Variants in TRPC6 observed in about 807,000 individuals in gnomAD.
TRPC6 encodes short transient receptor potential channel 6.
TRPC6 carries 55 observed loss-of-function variants against 90.7 expected under a neutral mutation model. That is an observed-to-expected ratio of 0.61 (90% confidence interval 0.49 to 0.76). TRPC6 has a LOEUF of 0.76. Among genes scored for constraint, TRPC6 ranks in the 30% least tolerant of loss-of-function variants. The probability of loss-of-function intolerance (pLI) is 0.00; values close to 1 mark genes in which losing one functional copy is unlikely to be tolerated. For missense variants in TRPC6, 989 were observed against 1,122.7 expected (o/e 0.88, Z 1.70); for synonymous variants, 393 against 393.0 (o/e 1.00, Z 0.00).
intron 1 of TRPC6, among the ~76,000 whole-genome samples, chr11:101,574,871 T>A (rs1375550852): frequency 1.3e-5 from 2 of 152,192 alleles, no homozygotes; most frequent in African/African-American, 4.8e-5. Context: ...TTATTAGCGA[T>A]TCCCATGAAA....
Position 101,453,705 on chromosome 11 carries a change from A to G in TRPC6, c.2589T>C (p.Ile863=), listed in dbSNP as rs2136636650. The G allele has an allele frequency of 6.2e-7, 1 of 1,613,730 alleles. No individual in the cohort carries two copies. The highest frequency in any genetic ancestry group is 2.2e-5 in the East Asian group (1 of 44,864). ...TCTGGGCCTGCAGTACATATCTTTT[A>G]ATGAGCCTTTTCATTATTTTCTAGA... The part of the protein sequence containing the change: ...RQYQKIMKRL[I]KRYVLQAQID... Residue 863 remains isoleucine (I), a synonymous_variant, in exon 12 of 13, where the codon ATT becomes ATC. Transcript: ENST00000344327.
intron 10 of TRPC6, among the ~76,000 whole-genome samples, chr11:101,464,348 T>C (rs1258162737): frequency 6.6e-6 from 1 of 152,108 alleles, no homozygotes; most frequent in African/African-American, 2.4e-5. Context: ...CTAATATCTT[T>C]AATTTTCTGT....
At chr11:101,506,288 G>A (rs1265378675) in intron 1 of TRPC6, among the ~76,000 whole-genome samples, 2 of 151,580 alleles carry the variant, frequency 1.3e-5, no homozygotes, top group Non-Finnish European at 2.9e-5. Flanking sequence ...AGTATAAAGA[G>A]GACAATAAAA....
At chr11:101,478,362 A>G (rs1404145681) in intron 5 of TRPC6, among the ~76,000 whole-genome samples, 3 of 152,018 alleles carry the variant, frequency 2.0e-5, no homozygotes, top group South Asian at 4.2e-4. Context: ...TTTTCCCCCT[A>G]CTGTGGTCCC....
intron 1 of TRPC6, among the ~76,000 whole-genome samples, chr11:101,564,960 C>A (rs189613449): frequency 3.2e-4 from 49 of 152,082 alleles, no homozygotes; most frequent in Middle Eastern, 6.8e-3. Context: ...AAAGAAGACA[C>A]AATGGAAGAA....
intron 1 of TRPC6, among the ~76,000 whole-genome samples, chr11:101,583,004 G>T (rs769084910): frequency 2.0e-5 from 3 of 152,158 alleles, no homozygotes; most frequent in Non-Finnish European, 4.4e-5. Context: ...CCTGTCTCTT[G>T]TAGAGCGCAG....
In TRPC6 at chr11:101,500,572, G is replaced by C. The variant is rs146846531; in HGVS notation, c.945+3452C>G. Among the ~76,000 whole-genome samples the C allele has an allele frequency of 2.6e-5, 4 of 152,096 alleles. No individual in the cohort carries two copies. The East Asian group carries it at 7.7e-4, about 29-fold the overall frequency. On this transcript the variant is annotated intron_variant, in intron 2 of 12. Transcript: ENST00000344327. Reference sequence around the variant, plus strand: ...TTTTTGATCTAATATACTAATAATAGATATAAAGACAACTCTTTCCAGAGT... The same window carrying C: ...TTTTTGATCTAATATACTAATAATACATATAAAGACAACTCTTTCCAGAGT...
At chr11:101,482,160 T>C (rs779729535) in intron 5 of TRPC6, among the ~76,000 whole-genome samples, 1 of 152,230 alleles carries the variant, frequency 6.6e-6, no homozygotes, top group Non-Finnish European at 1.5e-5. Flanking sequence ...ATTTTAATTA[T>C]TGATTTACTT....
chr11:101,524,872 T>C (rs769792366), intron 1 of TRPC6, among the ~76,000 whole-genome samples: 3 of 152,252 alleles, frequency 2.0e-5, no homozygotes, highest in Non-Finnish European at 4.4e-5. Flanking sequence ...TGCAATACTT[T>C]ATAAATAATA....
intron 6 of TRPC6, 36 bp from the exon 7 acceptor site, chr11:101,473,809 T>G: frequency 6.2e-7 from 1 of 1,612,524 alleles, no homozygotes; most frequent in Non-Finnish European, 8.5e-7. Context: ...TGTGTGAGTT[T>G]CTTCAAGTTT....
At chr11:101,535,034 C>A (rs940332749) in intron 1 of TRPC6, among the ~76,000 whole-genome samples, 1 of 152,046 alleles carries the variant, frequency 6.6e-6, no homozygotes, top group African/African-American at 2.4e-5. Context: ...GGCATGGTAG[C>A]GCATGCCTCT....
chr11:101,507,795 A>G (rs1395160664), intron 1 of TRPC6, among the ~76,000 whole-genome samples: 1 of 152,076 alleles, frequency 6.6e-6, no homozygotes, highest in Non-Finnish European at 1.5e-5. Context: ...TCTTCTCCAC[A>G]GTGCTGCCCA....
At chr11:101,567,776 C>A (rs1236187778) in intron 1 of TRPC6, among the ~76,000 whole-genome samples, 2 of 152,106 alleles carry the variant, frequency 1.3e-5, no homozygotes, top group Non-Finnish European at 2.9e-5. Flanking sequence ...AGCGGAGGGG[C>A]CTGACTGTTA....
At chr11:101,579,889 C>T (rs575576174) in intron 1 of TRPC6, among the ~76,000 whole-genome samples, 3 of 152,260 alleles carry the variant, frequency 2.0e-5, no homozygotes, top group South Asian at 2.1e-4. Context: ...CAGGCTTCTT[C>T]GTCACTGGGA....
chr11:101,566,323 AT>A (rs1289310140), intron 1 of TRPC6, among the ~76,000 whole-genome samples: 1 of 151,996 alleles, frequency 6.6e-6, no homozygotes, highest in Non-Finnish European at 1.5e-5. Flanking sequence ...AGTATTTAAG[AT>A]TTTTTTTCTG....
At chr11:101,495,640 G>A (rs2136716465) in intron 2 of TRPC6, among the ~76,000 whole-genome samples, 1 of 139,166 alleles carries the variant, frequency 7.2e-6, no homozygotes, top group African/African-American at 2.7e-5. Context: ...TATTATCATT[G>A]TTTTCATTAT....
Position 101,452,754 on chromosome 11 carries a change from T to G in TRPC6, c.*201A>C. 1 of 587,916 alleles carries G rather than the reference T, an allele frequency of 1.7e-6. No individual in the cohort carries two copies. Among genetic ancestry groups the G allele is most frequent in the South Asian group, 2.1e-5 (1 of 47,632 alleles). The allele number at this position is 587,916 out of a possible 1,614,324, so 36.4% of individuals were successfully genotyped here. The stretch of plus-strand genomic sequence containing the variant: ...AAACAACTGGGCATAATTTTCCTCA[T>G]TATCTACAGCCTTTACCCTGAACAA... On this transcript the variant is annotated 3_prime_UTR_variant, in exon 13 of 13. Transcript: ENST00000344327.
intron 1 of TRPC6, among the ~76,000 whole-genome samples, chr11:101,540,237 A>G (rs921437857): frequency 6.6e-6 from 1 of 152,218 alleles, no homozygotes; most frequent in African/African-American, 2.4e-5. Context: ...CTCTTCAGCT[A>G]TGATAGGAAG....
intron 1 of TRPC6, among the ~76,000 whole-genome samples, chr11:101,528,285 A>G (rs1860828819): frequency 6.6e-6 from 1 of 152,192 alleles, no homozygotes; most frequent in Non-Finnish European, 1.5e-5. Context: ...ATTGTCTGCC[A>G]CATTGGACCT....
Sources: gnomAD v4.1 joint callset for allele counts (sites outside exome capture counted in the v4.1 genomes callset) on GRCh38, gnomAD v4.1.1 for gene constraint, MANE v1.5 for transcripts, NCBI Gene and HGNC (gene_info 2026-07-23, HGNC 2026-07-21) for gene names.